The following NEBL variants were observed in gnomAD, a reference collection of about 807,000 sequenced individuals.
NEBL encodes nebulette.
In NEBL, 122 loss-of-function variants were observed where a neutral mutation model predicts 140.2. The observed-to-expected ratio is 0.87, with a 90% CI of 0.75 to 1.01. The LOEUF is 1.01. Ranked by LOEUF, NEBL falls within the 50% of genes least tolerant of loss-of-function variation. NEBL has a pLI of 0.00. For missense variants in NEBL, 1,365 were observed against 1,231.3 expected (o/e 1.11, Z -1.62); for synonymous variants, 436 against 398.9 (o/e 1.09, Z -1.11).
rs554674826 is a variant in NEBL at position 21,072,992 on chromosome 10, G to C, written c.165-52791C>G. On this transcript the variant is annotated intron_variant, in intron 2 of 6. Transcript: ENST00000417816. ...GGCAATAGACTATGACTCTGTCTCA[G>C]AAAAAGAAAAAGGGAGAGAGAGAGA... is the stretch of plus-strand genomic sequence containing the variant. Among the ~76,000 whole-genome samples the C allele has an allele frequency of 5.3e-5, 8 of 151,704 alleles. No individual in the cohort carries two copies. In the South Asian group the frequency reaches 1.5e-3, roughly 28 times the overall value.
At chr10:20,908,868 C>T (rs1848210669) in intron 4 of NEBL, among the ~76,000 whole-genome samples, 2 of 152,140 alleles carry the variant, frequency 1.3e-5, no homozygotes, top group South Asian at 2.1e-4. Context: ...TTATGCCCTG[C>T]TGCTATTCTG....
At chr10:20,926,521 A>C (rs551347606) in intron 4 of NEBL, among the ~76,000 whole-genome samples, 7 of 152,292 alleles carry the variant, frequency 4.6e-5, no homozygotes, top group African/African-American at 1.4e-4. Context: ...AGTTTGTCCC[A>C]AGGTTATCAA....
At chr10:20,857,126 A>G (rs369914980) in intron 9 of NEBL, among the ~76,000 whole-genome samples, 11 of 152,290 alleles carry the variant, frequency 7.2e-5, no homozygotes, top group African/African-American at 2.4e-4. Context: ...CCCAGCCAGA[A>G]AAAAATAAAC....
chr10:21,104,262 A>G (rs551712417), intron 2 of NEBL, among the ~76,000 whole-genome samples: 1 of 152,340 alleles, frequency 6.6e-6, no homozygotes, highest in East Asian at 1.9e-4. Flanking sequence ...AAATTCTACA[A>G]AACAAAGAGC....
In NEBL at chr10:21,169,081, T is replaced by A. The variant is rs1461497627; in HGVS notation, c.164+3302A>T. On this transcript the variant is annotated intron_variant, in intron 2 of 6. Transcript: ENST00000417816. ...AAAAAAAAAAAAATATATATATATA[T>A]ATATATATATATATATATATATATA... 9.6e-3 allele frequency among the ~76,000 whole-genome samples: 744 copies of A among 77,712 alleles called. 38 individuals are homozygous for A. The highest frequency in any genetic ancestry group is 0.067 in the East Asian group (136 of 2,040). The allele number at this position is 77,712 out of a possible 152,430, so 51.0% of individuals were successfully genotyped here. A position where few individuals can be genotyped will look rare whatever the true frequency, so the allele number is the denominator to read the frequency against.
intron 2 of NEBL, among the ~76,000 whole-genome samples, chr10:21,048,840 A>T (rs1330135140): frequency 1.3e-5 from 2 of 152,120 alleles, no homozygotes; most frequent in Non-Finnish European, 2.9e-5. Flanking sequence ...TACTAAAAAT[A>T]CAAAAAATAA....
intron 26 of NEBL, among the ~76,000 whole-genome samples, chr10:20,798,110 C>CA (rs11453441): frequency 0.32 from 40,616 of 126,206 alleles, 6,842 homozygotes; most frequent in Middle Eastern, 0.43. Context: ...TTTCTAATTA[C>CA]AAAAAAAAAA....
At chr10:20,795,949 A>T (rs770687966) in intron 26 of NEBL, among the ~76,000 whole-genome samples, 4 of 152,240 alleles carry the variant, frequency 2.6e-5, no homozygotes, top group Non-Finnish European at 4.4e-5. Flanking sequence ...TTAATGGATT[A>T]AAGATTCTTT....
chr10:21,040,620 A>G lies in NEBL; in HGVS notation c.165-20419T>C, dbSNP rs548728555. Among the ~76,000 whole-genome samples the G allele has an allele frequency of 4.0e-3, 605 of 152,216 alleles. 4 individuals carry two copies. The highest frequency in any genetic ancestry group is 0.014 in the African/African-American group (571 of 41,540). ...AGCCATTCATGAGAGATTGGCCCCC[A>G]TGACCCAAACACCTCCCACCAAACC... is the stretch of plus-strand genomic sequence containing the variant. On this transcript the variant is annotated intron_variant, in intron 2 of 6. Transcript: ENST00000417816.
At chr10:20,961,826 C>T (rs753183577) in intron 3 of NEBL, 17 of 1,446,934 alleles carry the variant, frequency 1.2e-5, no homozygotes, top group East Asian at 2.3e-5. Context: ...ATCACGAATC[C>T]CACTCGGGAT....
Position 21,222,170 on chromosome 10 carries a change from G to A in NEBL, n.348+25751C>T, listed in dbSNP as rs773494930. ...CAAAAAGTTTAGTGATTTGGACTGGGCACGGTGGCTCACACCTGTAATCCC... is the reference window on the plus strand; with the variant it reads ...CAAAAAGTTTAGTGATTTGGACTGGACACGGTGGCTCACACCTGTAATCCC... On this transcript the variant is annotated intron_variant and non_coding_transcript_variant, in intron 3 of 8. Transcript: ENST00000675702. Among the ~76,000 whole-genome samples the A allele has an allele frequency of 9.9e-5, 15 of 152,028 alleles. 1 individual carries two copies. The highest frequency in any genetic ancestry group is 3.4e-3 in the Middle Eastern group (1 of 294).
chr10:21,025,226 TATGAC>T (rs985510578), intron 2 of NEBL, among the ~76,000 whole-genome samples: 8 of 152,040 alleles, frequency 5.3e-5, no homozygotes, highest in African/African-American at 1.7e-4. Flanking sequence ...ATTGTGGAAA[TATGAC>T]ATGTAACGCA....
chr10:21,060,165 T>A (rs974924836), intron 2 of NEBL, among the ~76,000 whole-genome samples: 2 of 152,212 alleles, frequency 1.3e-5, no homozygotes, highest in Admixed American at 1.3e-4. Context: ...ACAGAAGTTA[T>A]AGTTTAAAGA....
At chr10:21,025,272 T>C (rs1409763767) in intron 2 of NEBL, among the ~76,000 whole-genome samples, 1 of 152,158 alleles carries the variant, frequency 6.6e-6, no homozygotes, top group African/African-American at 2.4e-5. Flanking sequence ...GTGGGGAATA[T>C]GCTGAAATGT....
intron 1 of NEBL, among the ~76,000 whole-genome samples, chr10:21,265,798 T>C (rs943437277): frequency 6.6e-6 from 1 of 152,242 alleles, no homozygotes; most frequent in Non-Finnish European, 1.5e-5. Flanking sequence ...CACTGGAATG[T>C]GAAGACAGTC....
intron 4 of NEBL, among the ~76,000 whole-genome samples, chr10:20,922,647 G>A (rs1833650564): frequency 6.6e-6 from 1 of 152,256 alleles, no homozygotes; most frequent in African/African-American, 2.4e-5. Context: ...CTAACGCAAT[G>A]TAGGATAACT....
chr10:20,871,497 G>A (rs1844925542), intron 5 of NEBL, among the ~76,000 whole-genome samples: 1 of 151,980 alleles, frequency 6.6e-6, no homozygotes, highest in African/African-American at 2.4e-5. Flanking sequence ...TACATCAACA[G>A]GCTCCCTGTG....
intron 2 of NEBL, among the ~76,000 whole-genome samples, chr10:21,093,258 G>A (rs1304401422): frequency 2.0e-5 from 3 of 149,248 alleles, no homozygotes; most frequent in African/African-American, 7.4e-5. Flanking sequence ...TAAGTATTTG[G>A]GAAAGACATG....
chr10:20,900,452 G>A (rs1847812318), upstream of NEBL, among the ~76,000 whole-genome samples: 1 of 152,170 alleles, frequency 6.6e-6, no homozygotes, highest in Non-Finnish European at 1.5e-5. Context: ...GGCTGAGGCA[G>A]GCAGATCACA....
Sources: allele counts gnomAD v4.1 joint callset (sites outside exome capture counted in the v4.1 genomes callset), GRCh38; gene constraint gnomAD v4.1.1; transcripts MANE v1.5; gene names NCBI Gene and HGNC (gene_info 2026-07-23, HGNC 2026-07-21).